Variants in UBR4 observed in about 807,000 individuals in gnomAD.
UBR4 encodes the protein ubiquitin protein ligase E3 component n-recognin 4, also known as E3 ubiquitin-protein ligase UBR4.
In UBR4, 124 loss-of-function variants were observed where a neutral mutation model predicts 575.6. The observed-to-expected ratio is 0.22, with a 90% CI of 0.19 to 0.25. UBR4 has a LOEUF of 0.25. Among genes scored for constraint, UBR4 ranks in the 10% least tolerant of loss-of-function variants. The pLI is 1.00. For missense variants in UBR4, 4,818 were observed against 6,478.8 expected, an observed-to-expected ratio of 0.74 and a Z score of 8.80; for synonymous variants, 2,455 against 2,473.7, an observed-to-expected ratio of 0.99 and a Z score of 0.22.
Position 19,199,746 on chromosome 1 carries a change from T to G in UBR4, c.283A>C (p.Asn95His). 2.5e-6 allele frequency: 4 copies of G among 1,614,104 alleles called. No homozygotes were observed. The highest frequency in any genetic ancestry group is 3.4e-6 in the Non-Finnish European group (4 of 1,179,986). The change falls in exon 3 of 106, where the codon AAC (asparagine) becomes CAC (histidine). Residue 95 changes from asparagine (N) to histidine (H), a missense_variant. Asn to His is a moderately conservative substitution (Grantham distance 68). Coordinates refer to ENST00000375254, the MANE Select transcript of UBR4 (RefSeq NM_020765.3). ...GCTGCTGCCACTGACTGAAGTTGGT[T>G]CCGGGGAACTGAGAAAGTAATAAAC... is the stretch of plus-strand genomic sequence containing the variant. ...ITTVCSLIPRNQLQSVAAACK... is the reference protein window; with the variant it reads ...ITTVCSLIPRHQLQSVAAACK...
chr1:19,151,733 T>C lies in UBR4; in HGVS notation c.7123A>G (p.Met2375Val). Residue 2375 changes from methionine (M) to valine (V), a missense_variant, in exon 48 of 106, where the codon ATG becomes GTG. Transcript: ENST00000375254. ...CGTGAGCGACTCAGGTTGAGCTGCA[T>C]AGTTCTGCCGAAGATCTCGATATAT... The part of the protein sequence containing the change: ...PSYIEIFGRT[M>V]QLNLSRSRWF... 3.1e-6 allele frequency: 5 copies of C among 1,614,178 alleles called. No homozygotes were observed. The highest frequency in any genetic ancestry group is 4.2e-6 in the Non-Finnish European group (5 of 1,180,020).
chr1:19,112,864 C>G lies in UBR4; in HGVS notation c.11461G>C (p.Val3821Leu). Residue 3821 changes from valine to leucine, a missense_variant, in exon 78 of 106, where the codon GTC becomes CTC. Coordinates refer to ENST00000375254, the MANE Select transcript of UBR4 (RefSeq NM_020765.3). ...AACAACTCTTTGCGCGAAGCAAAGA[C>G]TTTCTAAGAACAAAAAGGCAACAAT... ...FDELSKIIQK[V>L]FASRKELLEY... 6.4e-7 allele frequency: 1 copy of G among 1,562,904 alleles called. No individual in the cohort carries two copies. The highest frequency in any genetic ancestry group is 8.7e-7 in the Non-Finnish European group (1 of 1,150,744).
intron 17 of UBR4, among the ~76,000 whole-genome samples, chr1:19,180,040 A>T (rs1410362812): frequency 1.3e-5 from 2 of 152,220 alleles, no homozygotes; most frequent in African/African-American, 4.8e-5. Context: ...CAGTTACCAT[A>T]GGTTGAGCTA....
chr1:19,105,063 G>T lies in UBR4; in HGVS notation c.12630C>A (p.Gly4210=), dbSNP rs376507496. 8.7e-6 allele frequency: 14 copies of T among 1,613,768 alleles called. No individual in the cohort carries two copies. In the African/African-American group the frequency reaches 1.9e-4, roughly 22 times the overall value. The change falls in exon 85 of 106, where the codon GGC becomes GGA. Residue 4210 remains glycine (G), a synonymous_variant. Coordinates refer to ENST00000375254, the MANE Select transcript of UBR4 (RefSeq NM_020765.3). ...LAARGVLPYV[G]NLITKEIARL... ...GGTAGGATACCTTGGTGATGAGGTT[G>T]CCCACATAGGGTAGGACTCCCCGAG...
At position 19,175,030 on chromosome 1, in the gene UBR4, G is replaced by T. The variant is rs1458558753; in HGVS notation, c.2777C>A (p.Ala926Asp). 2 of 1,613,358 alleles carry T rather than the reference G, an allele frequency of 1.2e-6. No individual in the cohort carries two copies. The highest frequency in any genetic ancestry group is 2.2e-5 in the South Asian group (2 of 91,022). ...ENWSKHFSSD[A>D]VPHPRFYCVL... Reference sequence around the variant, plus strand: ...ACAGTAGAATCTGGGGTGTGGGACAGCATCTGAAAAGTAATATGCTGATTA... The same window carrying T: ...ACAGTAGAATCTGGGGTGTGGGACATCATCTGAAAAGTAATATGCTGATTA... Residue 926 changes from alanine (A) to aspartate (D), a missense_variant, in exon 21 of 106, where the codon GCT becomes GAT. Coordinates refer to ENST00000375254, the MANE Select transcript of UBR4 (RefSeq NM_020765.3).
chr1:19,104,241 A>T lies in UBR4; in HGVS notation c.12744T>A (p.Phe4248Leu), dbSNP rs1267551502. The T allele has an allele frequency of 6.2e-7, 1 of 1,614,190 alleles. No homozygotes were observed. The highest frequency in any genetic ancestry group is 8.5e-7 in the Non-Finnish European group (1 of 1,180,040). ...GTCTTTTGATGGATTCCACCTCAACAAAGGAGGAGAGAAGGCCTGTGGAGA... is the reference window on the plus strand; with the variant it reads ...GTCTTTTGATGGATTCCACCTCAACTAAGGAGGAGAGAAGGCCTGTGGAGA... ...LKSLTGLLSS[F>L]VEVESIKRHF... The change falls in exon 87 of 106, where the codon TTT (phenylalanine) becomes TTA (leucine). Residue 4248 changes from phenylalanine (F) to leucine (L), a missense_variant. Phe to Leu is a conservative substitution (Grantham distance 22). Around this residue, in one of 29 missense-constraint regions of UBR4, gnomAD observed 105 missense variants for 232.8 expected, o/e 0.45. Transcript: ENST00000375254.
chr1:19,186,520 G>A lies in UBR4; in HGVS notation c.1750+20C>T, dbSNP rs919747757. The stretch of plus-strand genomic sequence containing the variant: ...CACTCTATAGCTTATCTCTGGGAGA[G>A]AGAAAAGAGCGGCCTCTACCTTGGC... On this transcript the variant is annotated intron_variant, in intron 14 of 105. Coordinates refer to ENST00000375254, the MANE Select transcript of UBR4 (RefSeq NM_020765.3). 18 of 1,606,568 alleles carry A rather than the reference G, an allele frequency of 1.1e-5. No individual in the cohort carries two copies. Among genetic ancestry groups the A allele is most frequent in the Non-Finnish European group, 1.4e-5 (16 of 1,173,748 alleles).
At chr1:19,075,988 G>T (rs2075897537) in intron 105 of UBR4, among the ~76,000 whole-genome samples, 1 of 152,200 alleles carries the variant, frequency 6.6e-6, no homozygotes, top group African/African-American at 2.4e-5. Context: ...TGTAGGGCGG[G>T]TGCTCTGATG....
intron 81 of UBR4, among the ~76,000 whole-genome samples, chr1:19,107,893 A>C (rs1200992384): frequency 6.6e-6 from 1 of 152,256 alleles, no homozygotes; most frequent in African/African-American, 2.4e-5. Flanking sequence ...ATATTTTCCA[A>C]AACAAAAATA....
chr1:19,192,220 T>A lies in UBR4; in HGVS notation c.1362A>T (p.Gly454=). The change falls in exon 11 of 106, where the codon GGA becomes GGT. Residue 454 remains glycine (G), a synonymous_variant. Transcript: ENST00000375254. The part of the protein sequence containing the change: ...VRDILSRTKE[G]VGSPKLGPGK... ...CAGGCCCCAGTTTAGGGGAGCCCAC[T>A]CCCTCTTTAGTACGAGAAAGGATGT... 1 of 1,614,088 alleles carries A rather than the reference T, an allele frequency of 6.2e-7. No homozygotes were observed. The highest frequency in any genetic ancestry group is 8.5e-7 in the Non-Finnish European group (1 of 1,180,002).
chr1:19,119,922 C>T (rs2080988213), intron 69 of UBR4, among the ~76,000 whole-genome samples: 1 of 152,182 alleles, frequency 6.6e-6, no homozygotes, highest in South Asian at 2.1e-4. Context: ...GCTTTTTTAG[C>T]CTGAAGGGTC....
At chr1:19,147,238 G>A (rs2084997006) in intron 51 of UBR4, among the ~76,000 whole-genome samples, 1 of 152,232 alleles carries the variant, frequency 6.6e-6, no homozygotes, top group South Asian at 2.1e-4. Flanking sequence ...AGTATGATGG[G>A]AAAATTCAAA....
intron 30 of UBR4, 98 bp from the exon 31 acceptor site, chr1:19,165,447 AC>A: frequency 1.7e-6 from 2 of 1,172,100 alleles, no homozygotes; most frequent in Non-Finnish European, 2.5e-6. Context: ...GGGGAAAATG[AC>A]CACTTATGAG....
chr1:19,156,204 C>G (rs2086430279), intron 42 of UBR4, 67 bp downstream of exon 42: 6 of 1,583,360 alleles, frequency 3.8e-6, no homozygotes, highest in Non-Finnish European at 5.2e-6. Flanking sequence ...GAAGCTAGCA[C>G]ATAGTGATTC....
intron 11 of UBR4, among the ~76,000 whole-genome samples, chr1:19,190,312 A>AAAAAAAAAAAAATATATAT: frequency 3.1e-4 from 25 of 79,896 alleles, no homozygotes; most frequent in East Asian, 1.7e-3. Context: ...AAAAAAAAAA[A>AAAAAAAAAAAAATATATAT]ATATATATAT....
At chr1:19,147,402 G>A (rs1225210643) in intron 51 of UBR4, among the ~76,000 whole-genome samples, 1 of 152,160 alleles carries the variant, frequency 6.6e-6, no homozygotes, top group Non-Finnish European at 1.5e-5. Context: ...CTCCGGGTTG[G>A]AGGCACAGAA....
intron 8 of UBR4, among the ~76,000 whole-genome samples, chr1:19,196,843 G>A (rs543795214): frequency 5.3e-5 from 8 of 152,320 alleles, no homozygotes; most frequent in Non-Finnish European, 1.2e-4. Flanking sequence ...GAGACTACAT[G>A]TAGTTCATCT....
At chr1:19,173,714 C>A (rs1225351194) in intron 22 of UBR4, 93 bp from the exon 23 acceptor site, 2 of 1,250,470 alleles carry the variant, frequency 1.6e-6, no homozygotes, top group Non-Finnish European at 2.3e-6. Flanking sequence ...ACTTTTAAAC[C>A]AGAACTGTAT....
Position 19,176,673 on chromosome 1 carries a change from T to C in UBR4, c.2692A>G (p.Ser898Gly), listed in dbSNP as rs1216402574. ...GGAGTGGTTGCCCGGCGGCTGTTGC[T>C]GTCCTGGGATCCACTTGCCCACCCA... is the stretch of plus-strand genomic sequence containing the variant. ...PFGWASGSQD[S>G]NSRRATTPLY... Residue 898 changes from serine to glycine, a missense_variant, in exon 20 of 106, where the codon AGC (serine) becomes GGC (glycine). Physicochemically the swap from Ser to Gly is moderately conservative, Grantham distance 56 (BLOSUM62 0). Transcript: ENST00000375254. 20 of 1,614,012 alleles carry C rather than the reference T, an allele frequency of 1.2e-5. No individual in the cohort carries two copies. The highest frequency in any genetic ancestry group is 1.7e-5 in the Non-Finnish European group (20 of 1,180,028).
Sources: allele counts gnomAD v4.1 joint callset (sites outside exome capture counted in the v4.1 genomes callset), GRCh38; gene constraint gnomAD v4.1.1; regional missense constraint gnomAD v4.1.1; transcripts MANE v1.5; gene names NCBI Gene and HGNC (gene_info 2026-07-23, HGNC 2026-07-21).